The following CLRN3 variants were observed in gnomAD, a reference collection of about 807,000 sequenced individuals.
CLRN3 encodes clarin-3.
CLRN3 carries 12 observed loss-of-function variants against 16.7 expected under a neutral mutation model. The ratio of observed to expected loss-of-function variants is 0.72; its 90% confidence interval spans 0.46 to 1.16. CLRN3 has a LOEUF of 1.16. Among genes scored for constraint, CLRN3 ranks in the 50% most tolerant of loss-of-function variants. CLRN3 has a pLI of 0.00. For missense variants in CLRN3, 296 were observed against 274.2 expected (o/e 1.08, Z -0.56); for synonymous variants, 118 against 113.0 (o/e 1.04, Z -0.28).
chr10:127,882,673 G>A (rs1393038482), intron 2 of CLRN3, among the ~76,000 whole-genome samples: 4 of 152,326 alleles, frequency 2.6e-5, no homozygotes, highest in Non-Finnish European at 5.9e-5. Flanking sequence ...GGGACAGGAT[G>A]ATGCTGCCCT....
intron 1 of CLRN3, among the ~76,000 whole-genome samples, chr10:127,888,792 C>T (rs780355734): frequency 6.6e-6 from 1 of 152,148 alleles, no homozygotes; most frequent in Non-Finnish European, 1.5e-5. Context: ...TAATTTCAAG[C>T]AGGCCACATC....
In CLRN3 at chr10:127,878,423, G is replaced by A; in HGVS notation, c.410-3C>T. 1 of 1,613,158 alleles carries A rather than the reference G, an allele frequency of 6.2e-7. No homozygotes were observed. Among genetic ancestry groups the A allele is most frequent in the Non-Finnish European group, 8.5e-7 (1 of 1,179,186 alleles). The stretch of plus-strand genomic sequence containing the variant: ...CATGGTCACAAAAACGAAGGATGCT[G>A]AAAGGAAGATGGAGTTTCATGCATG... On this transcript the variant is annotated splice_region_variant and splice_polypyrimidine_tract_variant and intron_variant, in intron 2 of 2. Coordinates refer to ENST00000368671, the MANE Select transcript of CLRN3 (RefSeq NM_152311.5).
Position 127,877,942 on chromosome 10 carries a change from A to G in CLRN3, c.*207T>C, listed in dbSNP as rs1048801858. ...TACTACTGCTTTGAATACCACACAG[A>G]CCAGCGACATTTCCCATTCATTTCC... On this transcript the variant is annotated 3_prime_UTR_variant, in exon 3 of 3. Coordinates refer to ENST00000368671, the MANE Select transcript of CLRN3 (RefSeq NM_152311.5). 1.3e-4 allele frequency: 78 copies of G among 589,576 alleles called. No individual in the cohort carries two copies. In the African/African-American group the frequency reaches 1.4e-3, roughly 10 times the overall value. The allele number at this position is 589,576 out of a possible 1,614,324, so 36.5% of individuals were successfully genotyped here.
intron 1 of CLRN3, among the ~76,000 whole-genome samples, chr10:127,890,620 T>A (rs1845247289): frequency 6.6e-6 from 1 of 152,116 alleles, no homozygotes. Flanking sequence ...CCACCACCGC[T>A]GGGCAAGAAA....
At chr10:127,888,597 C>T (rs559267141) in intron 1 of CLRN3, among the ~76,000 whole-genome samples, 2 of 152,098 alleles carry the variant, frequency 1.3e-5, no homozygotes, top group African/African-American at 2.4e-5. Flanking sequence ...CCTGAGAACA[C>T]ATGGAGGTTA....
Position 127,883,724 on chromosome 10 carries a change from C to G in CLRN3, c.381G>C (p.Thr127=), listed in dbSNP as rs760579282. The G allele has an allele frequency of 6.2e-7, 1 of 1,613,630 alleles. No homozygotes were observed. Among genetic ancestry groups the G allele is most frequent in the Non-Finnish European group, 8.5e-7 (1 of 1,179,760 alleles). ...CGAGCCCGTTCCAGGTGTACACCCC[C>G]GTCGGCCCCAGGAATGTCTGGTAAG... ...SNPYQTFLGP[T]GVYTWNGLGA... Residue 127 remains threonine, a synonymous_variant, in exon 2 of 3, where the codon ACG becomes ACC. Coordinates refer to ENST00000368671, the MANE Select transcript of CLRN3 (RefSeq NM_152311.5).
chr10:127,885,300 A>G (rs1845180573), intron 1 of CLRN3, among the ~76,000 whole-genome samples: 1 of 152,168 alleles, frequency 6.6e-6, no homozygotes, highest in South Asian at 2.1e-4. Flanking sequence ...CCCTCCTTGC[A>G]TCGCCGTAAT....
chr10:127,892,839 C>A lies in CLRN3; in HGVS notation c.-55G>T. ...AAAAAAGGAATATCTTCTTATAACACTTTTGAACCTTATCTTTTGAAGTCT... is the reference window on the plus strand; with the variant it reads ...AAAAAAGGAATATCTTCTTATAACAATTTTGAACCTTATCTTTTGAAGTCT... On this transcript the variant is annotated 5_prime_UTR_variant, in exon 1 of 3. Coordinates refer to ENST00000368671, the MANE Select transcript of CLRN3 (RefSeq NM_152311.5). The A allele has an allele frequency of 1.0e-6, 1 of 1,001,178 alleles. No individual in the cohort carries two copies. The highest frequency in any genetic ancestry group is 1.6e-6 in the Non-Finnish European group (1 of 643,834). 62.0% of individuals were successfully genotyped at this position (1,001,178 alleles called of 1,614,324 possible).
At chr10:127,890,866 G>A (rs1373995481) in intron 1 of CLRN3, among the ~76,000 whole-genome samples, 5 of 152,168 alleles carry the variant, frequency 3.3e-5, no homozygotes, top group Admixed American at 1.3e-4. Context: ...CAAGCCCAGC[G>A]ATTATTACAA....
intron 1 of CLRN3, among the ~76,000 whole-genome samples, chr10:127,884,801 G>C (rs928122294): frequency 6.6e-6 from 1 of 152,188 alleles, no homozygotes; most frequent in African/African-American, 2.4e-5. Flanking sequence ...GCACCACAGG[G>C]CTGCACTTAC....
At chr10:127,878,535 C>A (rs571080159) in intron 2 of CLRN3, 115 bp from the exon 3 acceptor site, 2 of 1,407,658 alleles carry the variant, frequency 1.4e-6, no homozygotes. Flanking sequence ...GGAGTTTACA[C>A]TCTTTTAAGC....
chr10:127,888,728 G>T (rs1197733141), intron 1 of CLRN3, among the ~76,000 whole-genome samples: 3 of 152,116 alleles, frequency 2.0e-5, no homozygotes, highest in Non-Finnish European at 1.5e-5. Context: ...CTTTCCCTCA[G>T]TCTGCCTTGC....
intron 1 of CLRN3, among the ~76,000 whole-genome samples, chr10:127,889,453 G>A (rs1211591114): frequency 6.6e-6 from 1 of 152,112 alleles, no homozygotes; most frequent in African/African-American, 2.4e-5. Flanking sequence ...GTGAAACCCT[G>A]TCTCTACTAA....
rs191921015 is a variant in CLRN3, at chr10:127,887,144, A to G, written c.230-3269T>C. Among the ~76,000 whole-genome samples, 160 of 152,166 alleles carry G rather than the reference A, an allele frequency of 1.1e-3. 2 individuals are homozygous for G. In the Middle Eastern group the frequency reaches 0.034, roughly 32 times the overall value. ...CTTGTTTTGAAAGTAATAGAGGGGG[A>G]CACCGGAGGAGAGAAGGAAAAAATC... On this transcript the variant is annotated intron_variant, in intron 1 of 2. Transcript: ENST00000368671.
At position 127,883,690 on chromosome 10, in the gene CLRN3, A is replaced by G; in HGVS notation, c.409+6T>C. On this transcript the variant is annotated splice_donor_region_variant and intron_variant, in intron 2 of 2. Transcript: ENST00000368671. ...GCAGAGCACCGAGTCTCACAGGGCC[A>G]CTCACCACCGAGCCCGTTCCAGGTG... 1 of 1,604,956 alleles carries G rather than the reference A, an allele frequency of 6.2e-7. No homozygotes were observed. Among genetic ancestry groups the G allele is most frequent in the Non-Finnish European group, 8.5e-7 (1 of 1,171,940 alleles).
chr10:127,883,705 C>T lies in CLRN3; in HGVS notation c.400G>A (p.Gly134Arg), dbSNP rs776005153. The change falls in exon 2 of 3, where the codon GGG (glycine) becomes AGG (arginine). Residue 134 changes from glycine (G) to arginine (R), a missense_variant. Transcript: ENST00000368671. The stretch of plus-strand genomic sequence containing the variant: ...TCACAGGGCCACTCACCACCGAGCC[C>T]GTTCCAGGTGTACACCCCCGTCGGC... ...LGPTGVYTWN[G>R]LGASFVFVTM... is the part of the protein sequence containing the mutation. 19 of 1,612,536 alleles carry T rather than the reference C, an allele frequency of 1.2e-5. No homozygotes were observed. Among genetic ancestry groups the T allele is most frequent in the Middle Eastern group, 1.6e-4 (1 of 6,076 alleles).
chr10:127,884,202 G>A (rs1324324087), intron 1 of CLRN3, among the ~76,000 whole-genome samples: 5 of 152,224 alleles, frequency 3.3e-5, no homozygotes, highest in African/African-American at 7.2e-5. Flanking sequence ...CTCGGGCTCC[G>A]TCCTTGCCAA....
intron 2 of CLRN3, among the ~76,000 whole-genome samples, chr10:127,880,331 T>A (rs924555016): frequency 6.6e-6 from 1 of 151,760 alleles, no homozygotes; most frequent in African/African-American, 2.4e-5. Flanking sequence ...CAAACCTGAG[T>A]CCCCTTTAGT....
intron 2 of CLRN3, among the ~76,000 whole-genome samples, chr10:127,882,866 A>G (rs1591259839): frequency 1.3e-5 from 2 of 152,208 alleles, no homozygotes; most frequent in East Asian, 3.9e-4. Flanking sequence ...GGGAAAGAAC[A>G]GGAGAAACCT....
Sources: gnomAD v4.1 joint callset for allele counts (sites outside exome capture counted in the v4.1 genomes callset) on GRCh38, gnomAD v4.1.1 for gene constraint, MANE v1.5 for transcripts, NCBI Gene and HGNC (gene_info 2026-07-23, HGNC 2026-07-21) for gene names.